The following PNPT1 variants were observed in gnomAD, a reference collection of about 807,000 sequenced individuals.
PNPT1 encodes polyribonucleotide nucleotidyltransferase 1, mitochondrial.
PNPT1 carries 53 observed loss-of-function variants against 119.5 expected under a neutral mutation model. The ratio of observed to expected loss-of-function variants is 0.44; its 90% confidence interval spans 0.36 to 0.56. The LOEUF (loss-of-function observed/expected upper bound fraction) is 0.56, where lower values mean the gene tolerates loss of function less well. Ranked by LOEUF, PNPT1 falls within the 20% of genes least tolerant of loss-of-function variation. PNPT1 has a pLI of 0.00. For missense variants in PNPT1, 948 were observed against 938.5 expected, an observed-to-expected ratio of 1.01 and a Z score of -0.13; for synonymous variants, 357 against 322.1, an observed-to-expected ratio of 1.11 and a Z score of -1.16.
At chr2:55,643,137 T>C in intron 25 of PNPT1, 21 bp downstream of exon 25, 1 of 1,612,592 alleles carries the variant, frequency 6.2e-7, no homozygotes, top group Non-Finnish European at 8.5e-7. Context: ...ATGCTCAGCA[T>C]AGTATATTAC....
chr2:55,684,366 T>C (rs566421774), intron 4 of PNPT1, among the ~76,000 whole-genome samples: 2 of 152,204 alleles, frequency 1.3e-5, no homozygotes, highest in African/African-American at 4.8e-5. Flanking sequence ...GGTGGGCACC[T>C]GTAATCCCAA....
chr2:55,637,461 A>G, intron 27 of PNPT1, 91 bp downstream of exon 27: 1 of 1,187,244 alleles, frequency 8.4e-7, no homozygotes, highest in Non-Finnish European at 1.2e-6. Flanking sequence ...AACTTCATAG[A>G]TGGTGACTCT....
rs767035681 is a variant in PNPT1 at position 55,693,836 on chromosome 2, G to T, written c.-13C>A. ...TGCAGGCCGCCATGACACCCGGCAC[G>T]CGGTCAACGCAGGCTGTGCCCTGAT... is the stretch of plus-strand genomic sequence containing the variant. On this transcript the variant is annotated 5_prime_UTR_variant, in exon 1 of 28. Transcript: ENST00000447944. The T allele has an allele frequency of 3.7e-6, 6 of 1,612,452 alleles. No homozygotes were observed. Among genetic ancestry groups the T allele is most frequent in the Middle Eastern group, 1.7e-4 (1 of 5,896 alleles).
In PNPT1 at chr2:55,640,619, C is replaced by G. The variant is rs543287562; in HGVS notation, c.2148+8G>C. 7 of 1,561,630 alleles carry G rather than the reference C, an allele frequency of 4.5e-6. No individual in the cohort carries two copies. In the East Asian group the frequency reaches 6.7e-5, roughly 15 times the overall value. ...TAAAAATAATAACAATAACATCTGT[C>G]TTTTTACCTTTCGTTGATCAAGTTG... On this transcript the variant is annotated splice_region_variant and intron_variant, in intron 26 of 27. Coordinates refer to ENST00000447944, the MANE Select transcript of PNPT1 (RefSeq NM_033109.5).
chr2:55,666,943 TAAAC>T (rs755262743), intron 13 of PNPT1, 44 bp downstream of exon 13: 12 of 1,269,636 alleles, frequency 9.5e-6, no homozygotes, highest in Middle Eastern at 2.5e-4. Context: ...TAGATCTAAT[TAAAC>T]AATCTTAATT....
At chr2:55,680,514 A>G (rs2104155717) in intron 7 of PNPT1, among the ~76,000 whole-genome samples, 198 bp downstream of exon 7, 1 of 152,316 alleles carries the variant, frequency 6.6e-6, no homozygotes, top group Middle Eastern at 3.4e-3. Flanking sequence ...TAATACCGTA[A>G]CATATGCTAT....
At chr2:55,678,966 G>C (rs1485908566) in intron 8 of PNPT1, among the ~76,000 whole-genome samples, 3 of 152,138 alleles carry the variant, frequency 2.0e-5, no homozygotes, top group Non-Finnish European at 4.4e-5. Flanking sequence ...ATGTCAAAAA[G>C]TCACACACAT....
intron 14 of PNPT1, 129 bp from the exon 15 acceptor site, chr2:55,660,322 T>A: frequency 1.1e-6 from 1 of 933,328 alleles, no homozygotes; most frequent in Non-Finnish European, 1.5e-6. Flanking sequence ...AGACTGAAAC[T>A]GAAAACCAAA....
intron 1 of PNPT1, among the ~76,000 whole-genome samples, chr2:55,688,821 T>C (rs1367388649): frequency 6.6e-6 from 1 of 152,160 alleles, no homozygotes; most frequent in Non-Finnish European, 1.5e-5. Flanking sequence ...AACTCCTAAA[T>C]ATTGCCTATA....
At chr2:55,682,744 CA>C (rs1697287212) in intron 5 of PNPT1, among the ~76,000 whole-genome samples, 1 of 151,722 alleles carries the variant, frequency 6.6e-6, no homozygotes, top group Non-Finnish European at 1.5e-5. Context: ...CCCCTCTCTA[CA>C]AAAAACAAAA....
rs529877184 is a variant in PNPT1 at position 55,688,309 on chromosome 2, G to C, written c.162-604C>G. 1.3e-4 allele frequency among the ~76,000 whole-genome samples: 20 copies of C among 152,090 alleles called. No individual in the cohort carries two copies. The East Asian group carries it at 3.5e-3, about 26-fold the overall frequency. The stretch of plus-strand genomic sequence containing the variant: ...CCTGCCTTGGCCTCCCAAAGTGCTG[G>C]GATTACAGGTATGAGCCACTGTGCC... On this transcript the variant is annotated intron_variant, in intron 1 of 27. Transcript: ENST00000447944.
chr2:55,664,174 A>G (rs1696664139), intron 13 of PNPT1, among the ~76,000 whole-genome samples: 1 of 152,242 alleles, frequency 6.6e-6, no homozygotes, highest in Non-Finnish European at 1.5e-5. Context: ...TATGAAAGTT[A>G]TAACACCACC....
At chr2:55,638,653 C>A (rs1206501745) in intron 26 of PNPT1, among the ~76,000 whole-genome samples, 5 of 152,038 alleles carry the variant, frequency 3.3e-5, no homozygotes, top group African/African-American at 9.7e-5. Flanking sequence ...TGTCTCAAAA[C>A]CCTCTCAAGT....
chr2:55,692,278 A>G (rs1431950677), intron 1 of PNPT1, among the ~76,000 whole-genome samples: 1 of 152,128 alleles, frequency 6.6e-6, no homozygotes, highest in Non-Finnish European at 1.5e-5. Flanking sequence ...CCTTTATAGA[A>G]AAGTTTGCAG....
rs10713596 is a variant in PNPT1, at chr2:55,641,283, ATTTTTTTT to A, written c.2070-586_2070-579del. Among the ~76,000 whole-genome samples, 129 of 100,120 alleles carry A rather than the reference ATTTTTTTT, an allele frequency of 1.3e-3. 1 individual carries two copies. The highest frequency in any genetic ancestry group is 5.0e-3 in the African/African-American group (122 of 24,352). 65.7% of individuals were successfully genotyped at this position (100,120 alleles called of 152,430 possible). ...ATTTCTCTTAACAATTTCCAAAAAC[ATTTTTTTT>A]TTTTTTTTTTTTTGCCACCCAGGCT... On this transcript the variant is annotated intron_variant, in intron 25 of 27. Transcript: ENST00000447944.
chr2:55,658,964 T>C (rs1696478293), intron 15 of PNPT1, among the ~76,000 whole-genome samples: 1 of 152,224 alleles, frequency 6.6e-6, no homozygotes, highest in Non-Finnish European at 1.5e-5. Context: ...CTTTTTCTTT[T>C]TATTTTTTGA....
chr2:55,680,470 T>C (rs921410605), intron 7 of PNPT1, among the ~76,000 whole-genome samples: 2 of 149,020 alleles, frequency 1.3e-5, no homozygotes, highest in Admixed American at 6.7e-5. Context: ...AAGAGACAAT[T>C]ATGAAGTCAA....
intron 18 of PNPT1, among the ~76,000 whole-genome samples, chr2:55,654,555 G>A (rs1332845063): frequency 2.0e-5 from 3 of 152,158 alleles, no homozygotes; most frequent in Non-Finnish European, 4.4e-5. Context: ...AAATTTTTCA[G>A]TGTACTGCTT....
rs143254569 is a variant in PNPT1, at chr2:55,675,094, C to G, written c.680-2015G>C. Among the ~76,000 whole-genome samples, 1,093 of 151,546 alleles carry G rather than the reference C, an allele frequency of 7.2e-3. 7 individuals are homozygous for G. The highest frequency in any genetic ancestry group is 0.011 in the Non-Finnish European group (734 of 67,894). ...TGAGCAACACAGCAAGGTCCTGTCC[C>G]TAAAAAGATAACAACTAGAAGATAA... On this transcript the variant is annotated intron_variant, in intron 8 of 27. Transcript: ENST00000447944.
Sources: gnomAD v4.1 joint callset for allele counts (sites outside exome capture counted in the v4.1 genomes callset) on GRCh38, gnomAD v4.1.1 for gene constraint, MANE v1.5 for transcripts, NCBI Gene and HGNC (gene_info 2026-07-23, HGNC 2026-07-21) for gene names.